L3HYPDH: variants seen among roughly 807,000 people sequenced by gnomAD.
L3HYPDH encodes trans-L-3-hydroxyproline dehydratase.
A neutral mutation model predicts 26.5 loss-of-function variants in L3HYPDH; 32 were observed. That is an observed-to-expected ratio of 1.21 (90% confidence interval 0.91 to 1.62). L3HYPDH has a LOEUF of 1.62. Among genes scored for constraint, L3HYPDH ranks in the 40% most tolerant of loss-of-function variants. The pLI is 0.00. For missense variants in L3HYPDH, 554 were observed against 476.4 expected, an observed-to-expected ratio of 1.16 and a Z score of -1.52; for synonymous variants, 215 against 196.6, an observed-to-expected ratio of 1.09 and a Z score of -0.78.
At chr14:59,470,400 GCTAT>G (rs1889280975), downstream of L3HYPDH, among the ~76,000 whole-genome samples, 1 of 152,204 alleles carries the variant, frequency 6.6e-6, no homozygotes, top group South Asian at 2.1e-4. Flanking sequence ...GAGGTAGTAT[GCTAT>G]CTGTGTCTTT....
the L3HYPDH span, among the ~76,000 whole-genome samples, chr14:59,493,394 T>C: frequency 6.6e-6 from 1 of 152,182 alleles, no homozygotes; most frequent in Non-Finnish European, 1.5e-5. Context: ...TCTAGACCAG[T>C]GCTTCCCAAA....
chr14:59,479,976 A>G (rs1316100317), intron 1 of L3HYPDH, among the ~76,000 whole-genome samples: 1 of 152,186 alleles, frequency 6.6e-6, no homozygotes, highest in Non-Finnish European at 1.5e-5. Context: ...AACATCCCCA[A>G]AGTTTCACCT....
chr14:59,482,132 G>A (rs1890070728), intron 1 of L3HYPDH, among the ~76,000 whole-genome samples: 1 of 150,360 alleles, frequency 6.7e-6, no homozygotes, highest in African/African-American at 2.5e-5. Flanking sequence ...TGGTGGGGTG[G>A]AGATGAACTC....
At chr14:59,495,062 G>C in the L3HYPDH span, 1 of 1,613,852 alleles carries the variant, frequency 6.2e-7, no homozygotes, top group East Asian at 2.2e-5. Context: ...TTTGAATGCA[G>C]CATGGCAGCT....
the L3HYPDH span, among the ~76,000 whole-genome samples, chr14:59,501,561 G>A: frequency 6.6e-6 from 1 of 152,086 alleles, no homozygotes; most frequent in Non-Finnish European, 1.5e-5. Context: ...TTATTGAAAT[G>A]TTGAAACTTA....
the L3HYPDH span, among the ~76,000 whole-genome samples, chr14:59,502,773 T>TTTTTTTTTTTTTTTTTTTG: frequency 1.5e-4 from 15 of 102,846 alleles, no homozygotes; most frequent in African/African-American, 3.9e-4. Context: ...TTTTTTTTTT[T>TTTTTTTTTTTTTTTTTTTG]CGGAGTCTCA....
upstream of L3HYPDH, chr14:59,484,586 G>A: frequency 6.3e-7 from 1 of 1,577,084 alleles, no homozygotes; most frequent in Non-Finnish European, 8.6e-7. Flanking sequence ...CCTTCAGGCG[G>A]CCCATGGGTG....
chr14:59,505,049 A>G, the L3HYPDH span: 1 of 395,926 alleles, frequency 2.5e-6, no homozygotes, highest in Non-Finnish European at 4.5e-6. Flanking sequence ...TCTTAACCTA[A>G]CAACCTGACC....
At chr14:59,478,187 T>C (rs1298608124) in intron 2 of L3HYPDH, among the ~76,000 whole-genome samples, 2 of 152,216 alleles carry the variant, frequency 1.3e-5, no homozygotes, top group Admixed American at 6.5e-5. Flanking sequence ...ACCACACACA[T>C]GCATTTAAAA....
the L3HYPDH span, among the ~76,000 whole-genome samples, chr14:59,501,672 C>A: frequency 6.6e-6 from 1 of 152,146 alleles, no homozygotes; most frequent in Non-Finnish European, 1.5e-5. Context: ...AGTAATTGTG[C>A]ATTCCATATC....
upstream of L3HYPDH, among the ~76,000 whole-genome samples, chr14:59,488,223 TCATATTAA>T (rs1215461563): frequency 6.6e-6 from 1 of 152,010 alleles, no homozygotes; most frequent in Admixed American, 6.6e-5. Flanking sequence ...ATACAAAAAC[TCATATTAA>T]CATATTAAAT....
the L3HYPDH span, among the ~76,000 whole-genome samples, chr14:59,492,835 T>G: frequency 7.3e-5 from 11 of 149,682 alleles, no homozygotes; most frequent in Non-Finnish European, 1.3e-4. Context: ...TCTTGCTCTG[T>G]TGCCCAGGCT....
At chr14:59,473,193 G>C (rs1239115535) in intron 4 of L3HYPDH, 103 bp from the exon 5 acceptor site, 12 of 1,100,408 alleles carry the variant, frequency 1.1e-5, no homozygotes, top group Non-Finnish European at 1.5e-5. Context: ...GAAAGGCCAA[G>C]GGTTAATCCT....
downstream of L3HYPDH, among the ~76,000 whole-genome samples, chr14:59,470,167 T>C (rs1889277439): frequency 6.6e-6 from 1 of 152,150 alleles, no homozygotes; most frequent in African/African-American, 2.4e-5. Flanking sequence ...AGGCTTTTCA[T>C]GTGTTTCAGA....
upstream of L3HYPDH, chr14:59,487,198 G>A (rs191879641): frequency 7.0e-3 from 1,086 of 155,658 alleles, 14 homozygotes; most frequent in African/African-American, 0.025. Flanking sequence ...GGGAGACTCT[G>A]TCTCAAAAAA....
the L3HYPDH span, among the ~76,000 whole-genome samples, chr14:59,495,718 A>G: frequency 6.6e-6 from 1 of 152,206 alleles, no homozygotes; most frequent in East Asian, 1.9e-4. Flanking sequence ...GGGGAAAGGG[A>G]AAATAGAAGT....
chr14:59,503,300 T>G, the L3HYPDH span, among the ~76,000 whole-genome samples: 3 of 152,176 alleles, frequency 2.0e-5, no homozygotes, highest in East Asian at 5.8e-4. Context: ...ATTAGCACAT[T>G]TAGATATTTT....
rs1235837670 is a variant in L3HYPDH at position 59,483,978 on chromosome 14, G to A, written c.339C>T (p.Arg113=). The A allele has an allele frequency of 1.3e-6, 2 of 1,578,454 alleles. No individual in the cohort carries two copies. The highest frequency in any genetic ancestry group is 1.7e-6 in the Non-Finnish European group (2 of 1,167,804). The change falls in exon 1 of 5, where the codon CGC becomes CGT. Residue 113 remains arginine, a synonymous_variant. Transcript: ENST00000247194. The part of the protein sequence containing the change: ...MCGHAVLALG[R]FALDFGLVPA... ...GCACAAGCCCGAAGTCCAAAGCGAA[G>A]CGGCCCAGCGCCAGCACTGCGTGGC... is the stretch of plus-strand genomic sequence containing the variant.
the L3HYPDH span, among the ~76,000 whole-genome samples, chr14:59,494,121 G>GGGGTGT: frequency 1.4e-3 from 204 of 151,072 alleles, no homozygotes; most frequent in African/African-American, 4.9e-3. Flanking sequence ...AGAAAATTTG[G>GGGGTGT]GTGTGTGTGT....
Sources: allele counts gnomAD v4.1 joint callset (sites outside exome capture counted in the v4.1 genomes callset), GRCh38; gene constraint gnomAD v4.1.1; transcripts MANE v1.5; gene names NCBI Gene and HGNC (gene_info 2026-07-23, HGNC 2026-07-21).